The following DAB1 variants were observed in gnomAD, a reference collection of about 807,000 sequenced individuals.
DAB1 encodes DAB adaptor protein 1.
Under a neutral mutation model 64.6 loss-of-function variants are expected in DAB1, and 15 were observed. The observed-to-expected ratio is 0.23, with a 90% confidence interval of 0.16 to 0.36. The LOEUF (loss-of-function observed/expected upper bound fraction) is 0.36, where lower values mean the gene tolerates loss of function less well. DAB1 is among the 10% of genes least tolerant of loss of function. DAB1 has a pLI of 1.00. For synonymous variants in DAB1, 235 were observed against 251.9 expected, an observed-to-expected ratio of 0.93 and a Z score of 0.64; for missense variants, 596 against 706.7, an observed-to-expected ratio of 0.84 and a Z score of 1.78.
chr1:57,662,750 G>T (rs554448116), intron 6 of DAB1, among the ~76,000 whole-genome samples: 2 of 152,338 alleles, frequency 1.3e-5, no homozygotes, highest in South Asian at 2.1e-4. Flanking sequence ...CAGATGGAGA[G>T]ACCAGCTCAA....
chr1:57,235,122 T>G (rs995920632), intron 2 of DAB1, among the ~76,000 whole-genome samples: 1 of 152,142 alleles, frequency 6.6e-6, no homozygotes, highest in African/African-American at 2.4e-5. Context: ...TGGGGGCCAT[T>G]TGGAAAGTTT....
chr1:57,461,485 T>C (rs943663027), intron 7 of DAB1, among the ~76,000 whole-genome samples: 5 of 152,232 alleles, frequency 3.3e-5, no homozygotes, highest in African/African-American at 1.2e-4. Context: ...ACCCCTAGTA[T>C]CTGATGCCTG....
chr1:57,198,680 CA>C (rs1664844499), intron 2 of DAB1, among the ~76,000 whole-genome samples: 2 of 151,624 alleles, frequency 1.3e-5, no homozygotes, highest in African/African-American at 2.4e-5. Context: ...CACACACACA[CA>C]CACACACACC....
intron 5 of DAB1, among the ~76,000 whole-genome samples, chr1:58,014,366 G>A (rs1366775832): frequency 6.6e-6 from 1 of 152,190 alleles, no homozygotes; most frequent in East Asian, 1.9e-4. Flanking sequence ...ACACAGTTTA[G>A]TAAAAACACT....
chr1:57,874,444 G>A (rs1424561662), intron 1 of DAB1: 2 of 152,190 alleles, frequency 1.3e-5, no homozygotes, highest in Non-Finnish European at 2.9e-5. Flanking sequence ...ATGTGATGTG[G>A]TTGCCATAGA....
At chr1:57,758,276 C>G (rs1045971750) in intron 6 of DAB1, among the ~76,000 whole-genome samples, 1 of 152,042 alleles carries the variant, frequency 6.6e-6, no homozygotes, top group Non-Finnish European at 1.5e-5. Context: ...CCACTAGATA[C>G]CAGAAGAGAC....
In DAB1 at chr1:58,006,975, G is replaced by C. The variant is rs535329028; in HGVS notation, n.388-122813C>G. On this transcript the variant is annotated intron_variant and non_coding_transcript_variant, in intron 5 of 20. Transcript: ENST00000485760. ...TCTGAGATGCACCGTACAGATGTTAGTTTATTATGTACACCAATAACTCAT... is the reference window on the plus strand; with the variant it reads ...TCTGAGATGCACCGTACAGATGTTACTTTATTATGTACACCAATAACTCAT... Among the ~76,000 whole-genome samples, 3 of 152,276 alleles carry C rather than the reference G, an allele frequency of 2.0e-5. No individual in the cohort carries two copies. The South Asian group carries it at 6.2e-4, about 32-fold the overall frequency.
chr1:58,535,726 A>G (rs1050883521), intron 1 of DAB1, among the ~76,000 whole-genome samples: 1 of 152,198 alleles, frequency 6.6e-6, no homozygotes, highest in African/African-American at 2.4e-5. Context: ...TGGAGAGAAA[A>G]TGACCTCTGT....
rs577029577 is a variant in DAB1 at position 57,390,126 on chromosome 1, C to T, written c.-137+33804G>A. Among the ~76,000 whole-genome samples the T allele has an allele frequency of 2.0e-5, 3 of 152,338 alleles. No individual in the cohort carries two copies. In the East Asian group the frequency reaches 5.8e-4, roughly 29 times the overall value. On this transcript the variant is annotated intron_variant, in intron 1 of 14. Coordinates refer to ENST00000371236, the MANE Select transcript of DAB1 (RefSeq NM_001365792.1). ...ACAAGTCTTCAATATCTCCCATGCTCACAGACTTATTACAGACAAAGAAGG... is the reference window on the plus strand; with the variant it reads ...ACAAGTCTTCAATATCTCCCATGCTTACAGACTTATTACAGACAAAGAAGG...
chr1:57,636,096 C>CAAAAAAAAAAAAA (rs61007751), intron 7 of DAB1, among the ~76,000 whole-genome samples: 38 of 64,958 alleles, frequency 5.8e-4, no homozygotes, highest in African/African-American at 2.3e-3. Flanking sequence ...GACACGGTCT[C>CAAAAAAAAAAAAA]AAAAAAAAAA....
intron 5 of DAB1, among the ~76,000 whole-genome samples, chr1:57,901,008 AAGT>A (rs201038935): frequency 0.17 from 26,307 of 152,182 alleles, 2,683 homozygotes; most frequent in Admixed American, 0.27. Context: ...AACACTTACA[AAGT>A]ACTTTTACAT....
intron 9 of DAB1, among the ~76,000 whole-genome samples, chr1:57,033,027 A>G (rs921965120): frequency 6.6e-6 from 1 of 152,182 alleles, no homozygotes; most frequent in African/African-American, 2.4e-5. Context: ...ATGTTGCACT[A>G]TGTTACACTG....
chr1:57,303,237 TG>T (rs1347269468), intron 1 of DAB1, among the ~76,000 whole-genome samples: 4 of 152,092 alleles, frequency 2.6e-5, no homozygotes, highest in Admixed American at 2.6e-4. Context: ...GGGCTGACAG[TG>T]GTAGACAGAA....
intron 1 of DAB1, among the ~76,000 whole-genome samples, chr1:57,375,454 T>C (rs1426843745): frequency 1.3e-5 from 2 of 151,984 alleles, no homozygotes; most frequent in Admixed American, 6.6e-5. Flanking sequence ...CAGCCAAGAG[T>C]TATATGATGC....
chr1:58,340,963 G>C (rs1643923852), intron 4 of DAB1, among the ~76,000 whole-genome samples: 1 of 152,172 alleles, frequency 6.6e-6, no homozygotes, highest in African/African-American at 2.4e-5. Context: ...AGATTCAAAG[G>C]GTTGTGTGCT....
At chr1:57,312,128 A>G (rs949178345) in intron 1 of DAB1, among the ~76,000 whole-genome samples, 1 of 152,224 alleles carries the variant, frequency 6.6e-6, no homozygotes, top group African/African-American at 2.4e-5. Flanking sequence ...TATGCCATCC[A>G]TAATCTCATG....
chr1:58,147,862 G>A (rs898592803), intron 5 of DAB1, among the ~76,000 whole-genome samples: 1 of 151,094 alleles, frequency 6.6e-6, no homozygotes, highest in Admixed American at 6.6e-5. Context: ...CTGAAGATTG[G>A]AGATATTAAA....
chr1:57,744,978 C>T (rs1442405585), intron 6 of DAB1, among the ~76,000 whole-genome samples: 1 of 152,162 alleles, frequency 6.6e-6, no homozygotes, highest in Non-Finnish European at 1.5e-5. Flanking sequence ...GCACTAGTCT[C>T]ACATTTCTTA....
intron 7 of DAB1, among the ~76,000 whole-genome samples, chr1:57,540,588 A>T (rs1029970900): frequency 1.3e-5 from 2 of 152,234 alleles, no homozygotes; most frequent in Admixed American, 1.3e-4. Context: ...AATGTAGTAT[A>T]TTTACAAAGT....
Sources: gnomAD v4.1 joint callset for allele counts (sites outside exome capture counted in the v4.1 genomes callset) on GRCh38, gnomAD v4.1.1 for gene constraint, MANE v1.5 for transcripts, NCBI Gene and HGNC (gene_info 2026-07-23, HGNC 2026-07-21) for gene names.